MYBPC3: variants seen among roughly 807,000 people sequenced by gnomAD.
MYBPC3 encodes the protein myosin binding protein C3.
In MYBPC3, 108 loss-of-function variants were observed where a neutral mutation model predicts 159.3. That is an observed-to-expected ratio of 0.68 (90% CI 0.58 to 0.80). MYBPC3 has a LOEUF of 0.80. Ranked by LOEUF, MYBPC3 falls within the 30% of genes least tolerant of loss-of-function variation. MYBPC3 has a pLI of 0.00. For synonymous variants in MYBPC3, 730 were observed against 702.0 expected, an observed-to-expected ratio of 1.04 and a Z score of -0.63; for missense variants, 1,631 against 1,762.1, an observed-to-expected ratio of 0.93 and a Z score of 1.33.
chr11:47,350,726 C>A, intron 2 of MYBPC3, 111 bp from the exon 3 acceptor site: 1 of 1,375,972 alleles, frequency 7.3e-7, no homozygotes, highest in Admixed American at 3.7e-5. Context: ...GAAAGTCTGC[C>A]ATGGCTGTCC....
At chr11:47,339,095 A>G (rs543020684) in intron 22 of MYBPC3, among the ~76,000 whole-genome samples, 1 of 152,312 alleles carries the variant, frequency 6.6e-6, no homozygotes, top group African/African-American at 2.4e-5. Context: ...CCCAGTCATG[A>G]GGGCTTCCTG....
At chr11:47,348,399 A>C in intron 6 of MYBPC3, 25 bp downstream of exon 6, 1 of 1,551,646 alleles carries the variant, frequency 6.4e-7, no homozygotes, top group Non-Finnish European at 8.9e-7. Flanking sequence ...GCCCGAGCCC[A>C]GGACAGACAC....
chr11:47,350,173 G>C, intron 3 of MYBPC3, 61 bp from the exon 4 acceptor site: 3 of 1,495,116 alleles, frequency 2.0e-6, no homozygotes, highest in Non-Finnish European at 2.7e-6. Flanking sequence ...ACCCAGGCTG[G>C]AGTGCAGAGG....
At position 47,332,095 on chromosome 11, in the gene MYBPC3, C is replaced by T. The variant is rs397514751; in HGVS notation, c.3791G>A (p.Cys1264Tyr). 4 of 1,612,088 alleles carry T rather than the reference C, an allele frequency of 2.5e-6. No individual in the cohort carries two copies. Among genetic ancestry groups the T allele is most frequent in the Non-Finnish European group, 3.4e-6 (4 of 1,178,808 alleles). ...ACCTCGCACCTCCAGGCGGCACTCA[C>T]ACCGTGCCTCGCCCTGTAAGTTGGT... ...RATNLQGEAR[C>Y]ECRLEVRVPQ The change falls in exon 33 of 35, where the codon TGT becomes TAT. Residue 1264 changes from cysteine (C) to tyrosine (Y), a missense_variant. Coordinates refer to ENST00000545968, the MANE Select transcript of MYBPC3 (RefSeq NM_000256.3). This position sits in a 1 kb window ranked among gnomAD's most constrained non-coding sequence, Gnocchi z 4.2.
Position 47,332,253 on chromosome 11 carries a change from C to A in MYBPC3, c.3633G>T (p.Lys1211Asn), listed in dbSNP as rs2095877907. 6.2e-7 allele frequency: 1 copy of A among 1,613,766 alleles called. No homozygotes were observed. Among genetic ancestry groups the A allele is most frequent in the Non-Finnish European group, 8.5e-7 (1 of 1,179,874 alleles). ...CCAGGCCATTCTTGAACCAGGAAAT[C>A]TTGGGCTATAAATAAGGTAAAGAGA... ...CCAVRGSPKPKISWFKNGLDL... is the reference protein window; with the variant it reads ...CCAVRGSPKPNISWFKNGLDL... Residue 1211 changes from lysine to asparagine, a missense_variant, in exon 33 of 35, where the codon AAG (lysine) becomes AAT (asparagine). By Grantham distance (94) the Lys-to-Asn change is moderately conservative. Transcript: ENST00000545968. This position sits in a 1 kb window ranked among gnomAD's most constrained non-coding sequence, Gnocchi z 4.2.
chr11:47,346,777 G>T lies in MYBPC3; in HGVS notation c.909-133C>A. ...TTTCCGCACTTGCACTCCCTGTGTT[G>T]TGGGGCACCCATGCTGCTCCGGAGG... On this transcript the variant is annotated intron_variant, in intron 10 of 34. Coordinates refer to ENST00000545968, the MANE Select transcript of MYBPC3 (RefSeq NM_000256.3). The surrounding 1 kb of genome is among the most constrained non-coding windows in gnomAD (Gnocchi z 5.3). The T allele has an allele frequency of 1.0e-6, 1 of 986,718 alleles. No individual in the cohort carries two copies. Among genetic ancestry groups the T allele is most frequent in the Non-Finnish European group, 1.5e-6 (1 of 662,832 alleles). 61.1% of individuals were successfully genotyped at this position (986,718 alleles called of 1,614,324 possible).
At position 47,342,840 on chromosome 11, in the gene MYBPC3, G is replaced by A. The variant is rs730880541; in HGVS notation, c.1447C>T (p.Gln483Ter). ...GCTTCTGGAACTCACCATTTGACTT[G>A]CGCCCCCTCCTCCGATACTTCACAC... ...FECEVSEEGA[Q>*]VKWLKDGVEL... The change falls in exon 16 of 35, where the codon CAA (glutamine) becomes TAA (stop). Residue 483 changes from glutamine (Q) to a stop codon, truncating the protein, a stop_gained. Transcript: ENST00000545968. LOFTEE classifies it high-confidence loss of function. The A allele has an allele frequency of 6.2e-7, 1 of 1,612,498 alleles. No homozygotes were observed. The highest frequency in any genetic ancestry group is 8.5e-7 in the Non-Finnish European group (1 of 1,179,080).
rs370195884 is a variant in MYBPC3, at chr11:47,343,194, C to T, written c.1227-49G>A. 43 of 1,596,290 alleles carry T rather than the reference C, an allele frequency of 2.7e-5. No individual in the cohort carries two copies. The Middle Eastern group carries it at 5.0e-4, about 19-fold the overall frequency. On this transcript the variant is annotated intron_variant, in intron 14 of 34. Transcript: ENST00000545968. ...GGCAGGAAAGCTGCGGACACCCCTC[C>T]GGGCCCAGTGCGCCCCATGATAATC...
Position 47,332,827 on chromosome 11 carries a change from A to G in MYBPC3, c.3477T>C (p.Phe1159=), listed in dbSNP as rs876657513. The change falls in exon 31 of 35, where the codon TTT becomes TTC. Residue 1159 remains phenylalanine (F), a synonymous_variant. Coordinates refer to ENST00000545968, the MANE Select transcript of MYBPC3 (RefSeq NM_000256.3). The surrounding 1 kb of genome is among the most constrained non-coding windows in gnomAD (Gnocchi z 4.2). ...AGGGTACAGCACCTGGTCTGGGGAT[A>G]AAGACGGGCTCCTTGGTGGTGGCCG... ...DRAATTKEPV[F]IPRPGITYEP... 6.8e-6 allele frequency: 11 copies of G among 1,606,766 alleles called. No homozygotes were observed. The highest frequency in any genetic ancestry group is 3.4e-5 in the Admixed American group (2 of 58,836).
In MYBPC3 at chr11:47,335,893, C is replaced by A; in HGVS notation, c.2721G>T (p.Glu907Asp). 1.3e-6 allele frequency: 2 copies of A among 1,532,908 alleles called. No individual in the cohort carries two copies. Among genetic ancestry groups the A allele is most frequent in the South Asian group, 1.2e-5 (1 of 81,804 alleles). The allele number at this position is 1,532,908 out of a possible 1,614,324, so 95.0% of individuals were successfully genotyped here. A position where few individuals can be genotyped will look rare whatever the true frequency, so the allele number is the denominator to read the frequency against. Residue 907 changes from glutamate to aspartate, a missense_variant, in exon 26 of 35, where the codon GAG (glutamate) becomes GAT (aspartate). By Grantham distance (45) the Glu-to-Asp change is conservative. Coordinates refer to ENST00000545968, the MANE Select transcript of MYBPC3 (RefSeq NM_000256.3). ...GAGGLDGYSV[E>D]YCPEGCSEWV... ...GACACTCACAGCCCTCTGGGCAGTACTCCACGCTGTAGCCATCCAGGCCTC... is the reference window on the plus strand; with the variant it reads ...GACACTCACAGCCCTCTGGGCAGTAATCCACGCTGTAGCCATCCAGGCCTC...
At position 47,350,612 on chromosome 11, in the gene MYBPC3, T is replaced by G. The variant is rs1555123639; in HGVS notation, c.296A>C (p.Lys99Thr). The G allele has an allele frequency of 1.3e-6, 2 of 1,493,272 alleles. 1 individual carries two copies. The highest frequency in any genetic ancestry group is 1.8e-6 in the Non-Finnish European group (2 of 1,130,552). The allele number at this position is 1,493,272 out of a possible 1,614,324, so 92.5% of individuals were successfully genotyped here. A position where few individuals can be genotyped will look rare whatever the true frequency, so the allele number is the denominator to read the frequency against. The change falls in exon 3 of 35, where the codon AAG (lysine) becomes ACG (threonine). Residue 99 changes from lysine to threonine, a missense_variant. Coordinates refer to ENST00000545968, the MANE Select transcript of MYBPC3 (RefSeq NM_000256.3). ...KFDLKVIEAE[K>T]AEPMLAPAPA... is the part of the protein sequence containing the mutation. ...GGCAGGGGCCAGCATGGGCTCTGCC[T>G]TCTCTGGAGGGGATCAGATGGGAGT...
intron 22 of MYBPC3, 109 bp downstream of exon 22, chr11:47,339,214 AC>A: frequency 8.4e-7 from 1 of 1,197,264 alleles, no homozygotes; most frequent in Non-Finnish European, 1.2e-6. Flanking sequence ...GCAGCAACAC[AC>A]CCGGCCAAGT....
chr11:47,341,058 C>G (rs928562242), intron 19 of MYBPC3, 26 bp from the exon 20 acceptor site: 1 of 1,575,418 alleles, frequency 6.3e-7, no homozygotes. Flanking sequence ...GAGCAAGTAG[C>G]ACGGGGGCAA....
At position 47,338,464 on chromosome 11, in the gene MYBPC3, G is replaced by GC. The variant is rs1263870961; in HGVS notation, c.2308+55dup. 6.2e-7 allele frequency: 1 copy of GC among 1,608,630 alleles called. No homozygotes were observed. The highest frequency in any genetic ancestry group is 8.5e-7 in the Non-Finnish European group (1 of 1,176,452). On this transcript the variant is annotated intron_variant, in intron 23 of 34. Coordinates refer to ENST00000545968, the MANE Select transcript of MYBPC3 (RefSeq NM_000256.3). The surrounding 1 kb of genome is among the most constrained non-coding windows in gnomAD (Gnocchi z 4.7). ...AGTGGCTGAATGAGCGAACGGATGG[G>GC]CCCTCCTTGGGGCTGCCCCTCTGTG...
Position 47,350,388 on chromosome 11 carries a change from G to T in MYBPC3, c.406+114C>A, listed in dbSNP as rs11570047. On this transcript the variant is annotated intron_variant, in intron 3 of 34. Coordinates refer to ENST00000545968, the MANE Select transcript of MYBPC3 (RefSeq NM_000256.3). ...GATCCGCCCACCTCGGCCTCCCAAA[G>T]TACTGGGGATTATAGGCCTGAGCCA... is the stretch of plus-strand genomic sequence containing the variant. 3.7e-3 allele frequency: 5,518 copies of T among 1,492,798 alleles called. 181 individuals carry two copies. The African/African-American group carries it at 0.066, about 18-fold the overall frequency. 92.5% of individuals were successfully genotyped at this position (1,492,798 alleles called of 1,614,324 possible). A position where few individuals can be genotyped will look rare whatever the true frequency, so the allele number is the denominator to read the frequency against.
chr11:47,336,225 C>T (rs762560880), intron 25 of MYBPC3: 12 of 372,580 alleles, frequency 3.2e-5, no homozygotes, highest in East Asian at 1.3e-4. Context: ...CGGTGGCTCA[C>T]GCCTGTAATC....
At chr11:47,340,681 T>TAAA (rs904179589) in intron 20 of MYBPC3, among the ~76,000 whole-genome samples, 1 of 149,302 alleles carries the variant, frequency 6.7e-6, no homozygotes, top group Non-Finnish European at 1.5e-5. Flanking sequence ...AAAATAAAAA[T>TAAA]AAAAAAAAAG....
intron 25 of MYBPC3, chr11:47,336,245 T>C: frequency 3.1e-6 from 1 of 323,078 alleles, no homozygotes; most frequent in Non-Finnish European, 5.6e-6. Flanking sequence ...CCCAGCACTT[T>C]GGGAGGCCGA....
chr11:47,331,782 C>T (rs2095875892), intron 34 of MYBPC3, 63 bp downstream of exon 34: 2 of 1,508,044 alleles, frequency 1.3e-6, no homozygotes, highest in Non-Finnish European at 9.0e-7. Context: ...CTGATGGCTG[C>T]CCCAGGACCA....
Sources: gnomAD v4.1 joint callset for allele counts (sites outside exome capture counted in the v4.1 genomes callset) on GRCh38, gnomAD v4.1.1 for gene constraint, Gnocchi (gnomAD v3.1) non-coding constraint, MANE v1.5 for transcripts, NCBI Gene and HGNC (gene_info 2026-07-23, HGNC 2026-07-21) for gene names.